The following PCBP3 variants were observed in gnomAD, a reference collection of about 807,000 sequenced individuals.
PCBP3 encodes the protein poly(rC) binding protein 3, also known as poly(rC)-binding protein 3.
Under a neutral mutation model 52.7 loss-of-function variants are expected in PCBP3, and 25 were observed. That is an observed-to-expected ratio of 0.47 (90% CI 0.35 to 0.66). PCBP3 has a LOEUF of 0.66. Ranked by LOEUF, PCBP3 falls within the 30% of genes least tolerant of loss-of-function variation. The pLI, the probability that PCBP3 is intolerant of heterozygous loss-of-function variation, is 0.01. For missense variants in PCBP3, 391 were observed against 490.3 expected, an observed-to-expected ratio of 0.80 and a Z score of 1.91; for synonymous variants, 162 against 183.0, an observed-to-expected ratio of 0.89 and a Z score of 0.93.
intron 5 of PCBP3, among the ~76,000 whole-genome samples, chr21:45,868,707 T>TC (rs1158596787): frequency 6.6e-6 from 1 of 151,850 alleles, no homozygotes; most frequent in Admixed American, 6.6e-5. Context: ...CCGTTGCACG[T>TC]CCCCCCGTCA....
intron 5 of PCBP3, among the ~76,000 whole-genome samples, chr21:45,860,562 A>C (rs2094470712): frequency 1.3e-5 from 2 of 152,236 alleles, no homozygotes. Context: ...GTGGGGAAGC[A>C]CAAATGAGCC....
In PCBP3 at chr21:45,901,058, G is replaced by T. The variant is rs1273952089; in HGVS notation, c.284G>T (p.Gly95Val). The T allele has an allele frequency of 3.7e-6, 6 of 1,614,062 alleles. No individual in the cohort carries two copies. The highest frequency in any genetic ancestry group is 5.1e-6 in the Non-Finnish European group (6 of 1,179,940). Residue 95 changes from glycine (G) to valine (V), a missense_variant, in exon 9 of 18, where the codon GGC becomes GTC. By Grantham distance (109) the Gly-to-Val change is moderately radical. Transcript: ENST00000681687. ...CCAGAGAGGATTGTGACCATCACAGGCCCCACAGACGCCATCTTCAAGGCC... is the reference window on the plus strand; with the variant it reads ...CCAGAGAGGATTGTGACCATCACAGTCCCCACAGACGCCATCTTCAAGGCC... ...NCPERIVTIT[G>V]PTDAIFKAFA... is the part of the protein sequence containing the mutation.
At chr21:45,649,313 C>T (rs914202994) in intron 1 of PCBP3, among the ~76,000 whole-genome samples, 5 of 152,170 alleles carry the variant, frequency 3.3e-5, no homozygotes, top group African/African-American at 7.2e-5. Context: ...CTTACTGGGT[C>T]CCTCCCATAA....
chr21:45,903,998 G>T (rs1474245291), intron 9 of PCBP3, among the ~76,000 whole-genome samples: 1 of 152,190 alleles, frequency 6.6e-6, no homozygotes, highest in Non-Finnish European at 1.5e-5. Context: ...ATACTTGTAA[G>T]ACCCCTTGCA....
chr21:45,887,541 C>G (rs1331310904), intron 5 of PCBP3, among the ~76,000 whole-genome samples: 1 of 152,206 alleles, frequency 6.6e-6, no homozygotes, highest in East Asian at 1.9e-4. Flanking sequence ...AGGACAGGCC[C>G]AGCCAGAAGC....
At chr21:45,866,534 G>C (rs984964308) in intron 5 of PCBP3, among the ~76,000 whole-genome samples, 1 of 152,216 alleles carries the variant, frequency 6.6e-6, no homozygotes. Context: ...TTGTGGCAGA[G>C]GCTGTGAGGC....
chr21:45,666,167 A>G (rs1394541939), intron 1 of PCBP3, among the ~76,000 whole-genome samples: 1 of 152,234 alleles, frequency 6.6e-6, no homozygotes, highest in African/African-American at 2.4e-5. Flanking sequence ...CATCATTCTG[A>G]ATGAGGAAAC....
intron 2 of PCBP3, among the ~76,000 whole-genome samples, chr21:45,695,305 A>G (rs1216839102): frequency 4.6e-5 from 7 of 152,210 alleles, no homozygotes; most frequent in Non-Finnish European, 8.8e-5. Flanking sequence ...GGACACGGGT[A>G]GAGGAAGGGG....
At position 45,674,235 on chromosome 21, in the gene PCBP3, C is replaced by T. The variant is rs184164168; in HGVS notation, c.-200+5283C>T. On this transcript the variant is annotated intron_variant, in intron 2 of 17. Coordinates refer to ENST00000681687, the MANE Select transcript of PCBP3 (RefSeq NM_001384156.1). The stretch of plus-strand genomic sequence containing the variant: ...ACAATGTTTAGTTGATGTTGTTATT[C>T]TTTATGTAGGAAGACCAATTCATTG... Among the ~76,000 whole-genome samples the T allele has an allele frequency of 4.9e-3, 744 of 152,270 alleles. 6 individuals carry two copies. The highest frequency in any genetic ancestry group is 0.017 in the African/African-American group (713 of 41,560).
chr21:45,913,496 C>A (rs1291997645), intron 11 of PCBP3, among the ~76,000 whole-genome samples: 2 of 152,176 alleles, frequency 1.3e-5, no homozygotes, highest in African/African-American at 4.8e-5. Context: ...CCTGCAGGGC[C>A]CTGCGCATCC....
In PCBP3 at chr21:45,821,210, C is replaced by T. The variant is rs550102044; in HGVS notation, c.-125-28751C>T. Among the ~76,000 whole-genome samples the T allele has an allele frequency of 6.6e-6, 1 of 152,218 alleles. No individual in the cohort carries two copies. The highest frequency in any genetic ancestry group is 1.5e-5 in the Non-Finnish European group (1 of 68,002). On this transcript the variant is annotated intron_variant, in intron 4 of 17. Coordinates refer to ENST00000681687, the MANE Select transcript of PCBP3 (RefSeq NM_001384156.1). This position sits in a 1 kb window ranked among gnomAD's most constrained non-coding sequence, Gnocchi z 4.4. ...TTGCCTGGCAGGCTGGGAGGGACCC[C>T]CTCTCCTGTGCAGCCTCTCCCTAAT...
In PCBP3 at chr21:45,821,167, C is replaced by A. The variant is rs1172772068; in HGVS notation, c.-125-28794C>A. 6.6e-6 allele frequency among the ~76,000 whole-genome samples: 1 copy of A among 152,174 alleles called. No individual in the cohort carries two copies. On this transcript the variant is annotated intron_variant, in intron 4 of 17. Transcript: ENST00000681687. This position sits in a 1 kb window ranked among gnomAD's most constrained non-coding sequence, Gnocchi z 4.4. ...TCTTTCAACTCTTGACCTGCTCCCC[C>A]TTCCCGGTTCCCACTTTTTGCCTGG... is the stretch of plus-strand genomic sequence containing the variant.
intron 4 of PCBP3, among the ~76,000 whole-genome samples, chr21:45,792,013 C>T (rs1161251799): frequency 2.6e-5 from 4 of 152,372 alleles, no homozygotes; most frequent in Non-Finnish European, 5.9e-5. Context: ...GTGAGTCCTG[C>T]TTCTCCCATT....
rs1250641968 is a variant in PCBP3, at chr21:45,704,431, GTGGTCTGCGGGCCAGC to G, written c.-199-30958_-199-30943del. 6.6e-6 allele frequency among the ~76,000 whole-genome samples: 1 copy of G among 152,220 alleles called. No homozygotes were observed. The highest frequency in any genetic ancestry group is 1.5e-5 in the Non-Finnish European group (1 of 68,038). On this transcript the variant is annotated intron_variant, in intron 2 of 17. Transcript: ENST00000681687. The surrounding 1 kb of genome is among the most constrained non-coding windows in gnomAD (Gnocchi z 4.1). ...GCAGGACATGCTATCCTCTGTTGCT[GTGGTCTGCGGGCCAGC>G]TGCAGACTGGGAGGCCGCAGCGTCT... is the stretch of plus-strand genomic sequence containing the variant.
chr21:45,646,103 CTCTCTGTGTG>C (rs1226620478), intron 1 of PCBP3, among the ~76,000 whole-genome samples: 984 of 76,042 alleles, frequency 0.013, 1 homozygote, highest in South Asian at 0.028. Flanking sequence ...CTCTCTCTCT[CTCTCTGTGTG>C]TGTGTGTGTG....
intron 2 of PCBP3, among the ~76,000 whole-genome samples, chr21:45,671,869 C>T (rs575762990): frequency 6.6e-6 from 1 of 152,172 alleles, no homozygotes; most frequent in Admixed American, 6.5e-5. Context: ...GTCAGTGTGG[C>T]GTGTCTGATT....
chr21:45,806,847 C>T (rs1033202464), intron 4 of PCBP3, among the ~76,000 whole-genome samples: 1 of 152,170 alleles, frequency 6.6e-6, no homozygotes. Flanking sequence ...CTCCAGATGC[C>T]GGCCTCCCTG....
chr21:45,899,197 G>A, intron 6 of PCBP3, among the ~76,000 whole-genome samples: 1 of 152,198 alleles, frequency 6.6e-6, no homozygotes, highest in Non-Finnish European at 1.5e-5. Context: ...AGCAATTGCA[G>A]TGCTAAGTTT....
At chr21:45,665,176 A>G (rs1394167196) in intron 1 of PCBP3, among the ~76,000 whole-genome samples, 4 of 152,040 alleles carry the variant, frequency 2.6e-5, no homozygotes, top group African/African-American at 4.8e-5. Context: ...CCAAGGCAGG[A>G]GGATCACTTG....
Sources: allele counts gnomAD v4.1 joint callset (sites outside exome capture counted in the v4.1 genomes callset), GRCh38; gene constraint gnomAD v4.1.1; non-coding constraint Gnocchi (gnomAD v3.1); transcripts MANE v1.5; gene names NCBI Gene and HGNC (gene_info 2026-07-23, HGNC 2026-07-21).